The following IRAK3 variants were observed in gnomAD, a reference collection of about 807,000 sequenced individuals.
IRAK3 encodes interleukin 1 receptor associated kinase 3, also known as interleukin-1 receptor-associated kinase 3.
Under a neutral mutation model 56.6 loss-of-function variants are expected in IRAK3, and 57 were observed. The observed-to-expected ratio is 1.01, with a 90% CI of 0.81 to 1.26. The LOEUF is 1.26. Among genes scored for constraint, IRAK3 ranks in the 50% most tolerant of loss-of-function variants. IRAK3 has a pLI of 0.00. For synonymous variants in IRAK3, 258 were observed against 255.7 expected, an observed-to-expected ratio of 1.01 and a Z score of -0.09; for missense variants, 703 against 719.0, an observed-to-expected ratio of 0.98 and a Z score of 0.25.
At chr12:66,236,216 G>A (rs959948389) in intron 8 of IRAK3, among the ~76,000 whole-genome samples, 27 of 152,084 alleles carry the variant, frequency 1.8e-4, no homozygotes, top group Admixed American at 6.6e-5. Flanking sequence ...GGAGGAGGGA[G>A]GATGAGGATG....
In IRAK3 at chr12:66,211,529, G is replaced by A. The variant is rs1234605889; in HGVS notation, c.520G>A (p.Gly174Arg). The A allele has an allele frequency of 2.5e-6, 4 of 1,610,274 alleles. No homozygotes were observed. Among genetic ancestry groups the A allele is most frequent in the Non-Finnish European group, 3.4e-6 (4 of 1,176,528 alleles). Residue 174 changes from glycine to arginine, a missense_variant, in exon 5 of 12, where the codon GGA (glycine) becomes AGA (arginine). By Grantham distance (125) the Gly-to-Arg change is moderately radical (BLOSUM62 -2). Transcript: ENST00000261233. ...NFHKDFLIGE[G>R]EIFEVYRVEI... The stretch of plus-strand genomic sequence containing the variant: ...CCACAAAGACTTCCTAATTGGAGAA[G>A]GAGAGATTTTTGAGGTATACAGAGT...
chr12:66,204,634 T>C lies in IRAK3; in HGVS notation c.316+741T>C, dbSNP rs532032556. ...TCAACAATAATGATCTTGGGTCTTATGTTATAGACCCAAGGCTCTTAGATT... is the reference window on the plus strand; with the variant it reads ...TCAACAATAATGATCTTGGGTCTTACGTTATAGACCCAAGGCTCTTAGATT... On this transcript the variant is annotated intron_variant, in intron 2 of 11. Coordinates refer to ENST00000261233, the MANE Select transcript of IRAK3 (RefSeq NM_007199.3). 1.1e-3 allele frequency among the ~76,000 whole-genome samples: 165 copies of C among 152,382 alleles called. 1 individual carries two copies. The highest frequency in any genetic ancestry group is 3.7e-3 in the African/African-American group (155 of 41,604).
At position 66,235,300 on chromosome 12, in the gene IRAK3, C is replaced by CGGT. The variant is rs2052893602; in HGVS notation, c.887+6932_887+6933insTGG. 2.4e-5 allele frequency: 30 copies of CGGT among 1,259,178 alleles called. No individual in the cohort carries two copies. In the South Asian group the frequency reaches 6.6e-4, roughly 28 times the overall value. The allele number at this position is 1,259,178 out of a possible 1,614,324, so 78.0% of individuals were successfully genotyped here. A position where few individuals can be genotyped will look rare whatever the true frequency, so the allele number is the denominator to read the frequency against. On this transcript the variant is annotated intron_variant, in intron 8 of 11. Transcript: ENST00000261233. ...TGGGGAAGATCATCGCTGCGGGCCG[C>CGGT]GGCGGCGGGCGCGGGCGCGGGGCAG...
At chr12:66,239,585 C>G (rs1003292238) in intron 8 of IRAK3, among the ~76,000 whole-genome samples, 1 of 152,142 alleles carries the variant, frequency 6.6e-6, no homozygotes, top group Non-Finnish European at 1.5e-5. Flanking sequence ...TGATAAGATT[C>G]TTTAATCAGT....
At chr12:66,209,841 A>G (rs2052594788) in intron 3 of IRAK3, among the ~76,000 whole-genome samples, 1 of 152,122 alleles carries the variant, frequency 6.6e-6, no homozygotes, top group Admixed American at 6.5e-5. Context: ...TTTGCATGTC[A>G]CTGTTAGTTT....
chr12:66,220,925 T>C (rs2052726780), intron 6 of IRAK3, among the ~76,000 whole-genome samples: 1 of 152,222 alleles, frequency 6.6e-6, no homozygotes, highest in Non-Finnish European at 1.5e-5. Context: ...GGAATTTTGA[T>C]AGAAATGTGT....
intron 11 of IRAK3, 114 bp from the exon 12 acceptor site, chr12:66,247,581 A>G (rs541913317): frequency 3.0e-5 from 22 of 737,824 alleles, no homozygotes; most frequent in Non-Finnish European, 4.9e-5. Flanking sequence ...AAAATTCTAT[A>G]GCTGAACTAA....
intron 3 of IRAK3, 80 bp from the exon 4 acceptor site, chr12:66,210,067 G>A (rs1255275674): frequency 1.1e-6 from 1 of 899,164 alleles, no homozygotes; most frequent in Non-Finnish European, 1.9e-6. Context: ...AGTCCCCAGG[G>A]AGCTTTGGAT....
chr12:66,239,682 A>G (rs1441887958), intron 8 of IRAK3, among the ~76,000 whole-genome samples: 1 of 152,098 alleles, frequency 6.6e-6, no homozygotes, highest in South Asian at 2.1e-4. Flanking sequence ...TTTTCCTCAG[A>G]TTTTTCCTGT....
At chr12:66,201,214 G>A (rs533209367) in intron 1 of IRAK3, among the ~76,000 whole-genome samples, 1 of 152,340 alleles carries the variant, frequency 6.6e-6, no homozygotes, top group Admixed American at 6.5e-5. Context: ...TGCCTTTGAA[G>A]TCTCCCATTG....
At chr12:66,232,781 G>T (rs1286487747) in intron 8 of IRAK3, among the ~76,000 whole-genome samples, 2 of 152,126 alleles carry the variant, frequency 1.3e-5, no homozygotes, top group Non-Finnish European at 2.9e-5. Flanking sequence ...CTTCTAGGAG[G>T]GATGCAGTTT....
chr12:66,218,642 T>A, intron 6 of IRAK3, among the ~76,000 whole-genome samples: 1 of 152,332 alleles, frequency 6.6e-6, no homozygotes, highest in East Asian at 1.9e-4. Flanking sequence ...AAATATTTAA[T>A]TGACAAATAA....
intron 6 of IRAK3, among the ~76,000 whole-genome samples, chr12:66,218,139 A>G (rs1431539369): frequency 6.6e-6 from 1 of 152,190 alleles, no homozygotes; most frequent in Non-Finnish European, 1.5e-5. Context: ...TTTCCAAAGT[A>G]ACAGTATTAC....
chr12:66,215,788 ACACACACAC>A (rs1434008953), intron 5 of IRAK3, among the ~76,000 whole-genome samples: 82 of 131,688 alleles, frequency 6.2e-4, no homozygotes, highest in African/African-American at 2.0e-3. Context: ...CCCAACATGC[ACACACACAC>A]ACACACACAC....
intron 1 of IRAK3, 121 bp downstream of exon 1, chr12:66,189,553 C>T: frequency 3.3e-6 from 2 of 605,706 alleles, no homozygotes; most frequent in Non-Finnish European, 4.3e-6. Context: ...GGGAAGTTCC[C>T]GCCAGGGAGC....
chr12:66,235,937 C>G (rs1431052539), intron 8 of IRAK3, among the ~76,000 whole-genome samples: 1 of 152,090 alleles, frequency 6.6e-6, no homozygotes, highest in Non-Finnish European at 1.5e-5. Flanking sequence ...ACAAAAATAA[C>G]TTGGCGTCAG....
chr12:66,204,122 G>GT (rs1264012034), intron 2 of IRAK3, among the ~76,000 whole-genome samples: 1 of 151,454 alleles, frequency 6.6e-6, no homozygotes, highest in Non-Finnish European at 1.5e-5. Context: ...TTATAGTTTT[G>GT]TTTTTTTAAC....
Position 66,189,229 on chromosome 12 carries a change from G to A in IRAK3, c.-71G>A, listed in dbSNP as rs1275677609. On this transcript the variant is annotated 5_prime_UTR_variant, in exon 1 of 12. In the 5' UTR this introduces an upstream ATG that the reference lacks. Coordinates refer to ENST00000261233, the MANE Select transcript of IRAK3 (RefSeq NM_007199.3). ...TCGTGGAAGCAGGATTTCCGCGGTT[G>A]TGTAACGGCCTGTCGCAGGCGTGCA... 6.6e-7 allele frequency: 1 copy of A among 1,520,186 alleles called. No homozygotes were observed. The highest frequency in any genetic ancestry group is 8.8e-7 in the Non-Finnish European group (1 of 1,135,758). 94.2% of individuals were successfully genotyped at this position (1,520,186 alleles called of 1,614,324 possible). A position where few individuals can be genotyped will look rare whatever the true frequency, so the allele number is the denominator to read the frequency against.
intron 11 of IRAK3, among the ~76,000 whole-genome samples, chr12:66,245,529 CTT>C (rs745553622): frequency 0.069 from 5,232 of 75,304 alleles, 61 homozygotes; most frequent in East Asian, 0.27. Flanking sequence ...TTTATTCAAT[CTT>C]TTTTTTTTTT....
Sources: gnomAD v4.1 joint callset for allele counts (sites outside exome capture counted in the v4.1 genomes callset) on GRCh38, gnomAD v4.1.1 for gene constraint, MANE v1.5 for transcripts, NCBI Gene and HGNC (gene_info 2026-07-23, HGNC 2026-07-21) for gene names.